Variants in LARS2 observed in about 807,000 individuals in gnomAD.
LARS2 encodes leucine--tRNA ligase, mitochondrial.
A neutral mutation model predicts 116.6 loss-of-function variants in LARS2; 81 were observed. The observed-to-expected ratio is 0.69, with a 90% confidence interval of 0.58 to 0.84. LARS2 has a LOEUF of 0.84. Ranked by LOEUF, LARS2 falls within the 40% of genes least tolerant of loss-of-function variation. The probability of loss-of-function intolerance (pLI) is 0.00; values close to 1 mark genes in which losing one functional copy is unlikely to be tolerated. For synonymous variants in LARS2, 396 were observed against 407.2 expected (o/e 0.97, Z 0.33); for missense variants, 968 against 1,114.5 (o/e 0.87, Z 1.87).
chr3:45,523,967 GTCT>G (rs781508929), intron 19 of LARS2, 27 bp from the exon 20 acceptor site: 3 of 1,530,448 alleles, frequency 2.0e-6, no homozygotes, highest in African/African-American at 1.4e-5. Context: ...TTACACCTCA[GTCT>G]TCTTACTTTT....
chr3:45,518,154 C>T (rs1193427166), intron 18 of LARS2, 82 bp downstream of exon 18: 15 of 1,121,152 alleles, frequency 1.3e-5, no homozygotes, highest in Admixed American at 2.3e-5. Flanking sequence ...TTGCTGCCCT[C>T]CCTGCCTTGG....
At position 45,426,743 on chromosome 3, in the gene LARS2, C is replaced by T. The variant is rs78182715; in HGVS notation, c.516+7014C>T. ...ATCGCTTCAGCCAGGACAGTATTCT[C>T]GCAGTCTTCAGCCTTAACTAAAGAG... On this transcript the variant is annotated intron_variant, in intron 6 of 21. Coordinates refer to ENST00000645846, the MANE Select transcript of LARS2 (RefSeq NM_015340.4). Among the ~76,000 whole-genome samples, 5 of 152,300 alleles carry T rather than the reference C, an allele frequency of 3.3e-5. No homozygotes were observed. The East Asian group carries it at 5.8e-4, about 18-fold the overall frequency.
At position 45,513,227 on chromosome 3, in the gene LARS2, A is replaced by G. The variant is rs1417459752; in HGVS notation, c.1853A>G (p.Asp618Gly). 1.9e-6 allele frequency: 3 copies of G among 1,606,370 alleles called. No individual in the cohort carries two copies. The highest frequency in any genetic ancestry group is 1.3e-5 in the African/African-American group (1 of 74,912). The part of the protein sequence containing the change: ...SGQYLQREEV[D>G]LTGSVPVHAK... ...CAGTATCTACAGAGAGAGGAAGTGGATCTCACAGGTAAGAATGGCCCATCT... is the reference window on the plus strand; with the variant it reads ...CAGTATCTACAGAGAGAGGAAGTGGGTCTCACAGGTAAGAATGGCCCATCT... Residue 618 changes from aspartate (D) to glycine (G), a missense_variant, in exon 16 of 22, where the codon GAT (aspartate) becomes GGT (glycine). By Grantham distance (94) the Asp-to-Gly change is moderately conservative (BLOSUM62 -1). Coordinates refer to ENST00000645846, the MANE Select transcript of LARS2 (RefSeq NM_015340.4).
At chr3:45,531,674 G>T (rs1700617928) in intron 20 of LARS2, among the ~76,000 whole-genome samples, 1 of 152,100 alleles carries the variant, frequency 6.6e-6, no homozygotes, top group Non-Finnish European at 1.5e-5. Context: ...ATGAGCCACT[G>T]CACCCAGCCT....
At chr3:45,517,517 C>T (rs578105757) in intron 17 of LARS2, among the ~76,000 whole-genome samples, 1 of 152,340 alleles carries the variant, frequency 6.6e-6, no homozygotes, top group East Asian at 1.9e-4. Flanking sequence ...GAGCTTGCAC[C>T]AGCAGGAGTC....
intron 14 of LARS2, among the ~76,000 whole-genome samples, chr3:45,497,673 G>A (rs1575293777): frequency 6.6e-6 from 1 of 152,110 alleles, no homozygotes; most frequent in African/African-American, 2.4e-5. Context: ...TTGGGAGGCC[G>A]AGGCAGGCTG....
At chr3:45,413,037 C>G (rs111757871) in intron 4 of LARS2, among the ~76,000 whole-genome samples, 4 of 152,348 alleles carry the variant, frequency 2.6e-5, no homozygotes, top group African/African-American at 9.6e-5. Flanking sequence ...GAAAGAAGCA[C>G]TGCTGGGCCT....
At chr3:45,399,169 A>G (rs1281769841) in intron 3 of LARS2, among the ~76,000 whole-genome samples, 3 of 152,208 alleles carry the variant, frequency 2.0e-5, no homozygotes, top group Non-Finnish European at 1.5e-5. Flanking sequence ...CCTTTTTAAA[A>G]GGATCTTCTC....
At position 45,425,409 on chromosome 3, in the gene LARS2, G is replaced by A. The variant is rs114442098; in HGVS notation, c.516+5680G>A. On this transcript the variant is annotated intron_variant, in intron 6 of 21. Coordinates refer to ENST00000645846, the MANE Select transcript of LARS2 (RefSeq NM_015340.4). Reference sequence around the variant, plus strand: ...AAACTCAGAACGTGACCTCACACTCGTCCCTGCAAGCCATGTGGGCTAAGA... The same window carrying A: ...AAACTCAGAACGTGACCTCACACTCATCCCTGCAAGCCATGTGGGCTAAGA... Among the ~76,000 whole-genome samples the A allele has an allele frequency of 3.5e-3, 528 of 152,260 alleles. 4 individuals are homozygous for A. The highest frequency in any genetic ancestry group is 0.012 in the African/African-American group (515 of 41,544).
At chr3:45,533,141 C>CTTTTT (rs3085466) in intron 20 of LARS2, among the ~76,000 whole-genome samples, 713 of 51,032 alleles carry the variant, frequency 0.014, 208 homozygotes, top group South Asian at 0.023. Flanking sequence ...CACATTAAGT[C>CTTTTT]TTTTTTTTTT....
chr3:45,460,757 T>C (rs185884598), intron 8 of LARS2, among the ~76,000 whole-genome samples: 3 of 152,182 alleles, frequency 2.0e-5, no homozygotes, highest in Middle Eastern at 3.4e-3. Flanking sequence ...CTGGAAAACA[T>C]TGGCATTATG....
chr3:45,486,488 T>G (rs1409434822), intron 11 of LARS2, among the ~76,000 whole-genome samples: 1 of 152,210 alleles, frequency 6.6e-6, no homozygotes, highest in Non-Finnish European at 1.5e-5. Context: ...TGTGCATTTT[T>G]CATTCCAACA....
intron 6 of LARS2, among the ~76,000 whole-genome samples, chr3:45,433,038 T>C (rs998563750): frequency 2.6e-5 from 4 of 152,102 alleles, no homozygotes; most frequent in African/African-American, 9.6e-5. Flanking sequence ...TATGTTAATA[T>C]AGCCACTTCT....
At chr3:45,546,991 C>G (rs900197200) in intron 21 of LARS2, among the ~76,000 whole-genome samples, 1 of 152,218 alleles carries the variant, frequency 6.6e-6, no homozygotes, top group Non-Finnish European at 1.5e-5. Context: ...ACAGAATAAT[C>G]CCTTTCTGCC....
chr3:45,439,515 A>G (rs1331164765), intron 6 of LARS2, among the ~76,000 whole-genome samples: 1 of 152,038 alleles, frequency 6.6e-6, no homozygotes, highest in Non-Finnish European at 1.5e-5. Context: ...CAGCGCGCCC[A>G]GCCAACTCTG....
intron 10 of LARS2, among the ~76,000 whole-genome samples, chr3:45,484,803 T>C (rs1212546057): frequency 6.6e-6 from 1 of 151,030 alleles, no homozygotes; most frequent in Non-Finnish European, 1.5e-5. Context: ...ATTTTCCTTT[T>C]TATATAACTT....
At chr3:45,417,864 A>G (rs1464174950) in intron 5 of LARS2, among the ~76,000 whole-genome samples, 1 of 152,200 alleles carries the variant, frequency 6.6e-6, no homozygotes, top group Non-Finnish European at 1.5e-5. Context: ...AGGGTTAGGA[A>G]AAAGAAGAGG....
intron 6 of LARS2, among the ~76,000 whole-genome samples, chr3:45,440,715 C>G (rs1183726690): frequency 1.3e-5 from 2 of 152,024 alleles, no homozygotes; most frequent in African/African-American, 4.8e-5. Context: ...GACCGAGAAA[C>G]CAAGACTAAA....
intron 6 of LARS2, among the ~76,000 whole-genome samples, chr3:45,445,067 C>T (rs1698996470): frequency 6.6e-6 from 1 of 152,186 alleles, no homozygotes; most frequent in African/African-American, 2.4e-5. Context: ...CCACCCCTTA[C>T]CCACATCCCC....
Sources: allele counts gnomAD v4.1 joint callset (sites outside exome capture counted in the v4.1 genomes callset), GRCh38; gene constraint gnomAD v4.1.1; transcripts MANE v1.5; gene names NCBI Gene and HGNC (gene_info 2026-07-23, HGNC 2026-07-21).